Variants in DCST2 observed in about 807,000 individuals in gnomAD.
DCST2 encodes the protein DC-STAMP domain-containing protein 2.
DCST2 carries 64 observed loss-of-function variants against 81.8 expected under a neutral mutation model. That is an observed-to-expected ratio of 0.78 (90% CI 0.64 to 0.96). DCST2 has a LOEUF of 0.96. Among genes scored for constraint, DCST2 ranks in the 40% least tolerant of loss-of-function variants. The probability of loss-of-function intolerance (pLI) is 0.00; values close to 1 mark genes in which losing one functional copy is unlikely to be tolerated. For missense variants in DCST2, 945 were observed against 1,001.4 expected (o/e 0.94, Z 0.76); for synonymous variants, 354 against 402.6 (o/e 0.88, Z 1.44).
At chr1:155,019,585 C>G (rs1463284272) in intron 14 of DCST2, among the ~76,000 whole-genome samples, 1 of 152,242 alleles carries the variant, frequency 6.6e-6, no homozygotes, top group African/African-American at 2.4e-5. Context: ...TGCCCCTGCT[C>G]TAACACGTCA....
Position 155,033,725 on chromosome 1 carries a change from C to A in DCST2, c.-24G>T, listed in dbSNP as rs779001410. The A allele has an allele frequency of 1.2e-6, 2 of 1,605,544 alleles. No homozygotes were observed. Among genetic ancestry groups the A allele is most frequent in the Non-Finnish European group, 1.7e-6 (2 of 1,174,584 alleles). On this transcript the variant is annotated 5_prime_UTR_variant, in exon 1 of 15. The change creates a new upstream start codon in the 5' untranslated region. Coordinates refer to ENST00000368424, the MANE Select transcript of DCST2 (RefSeq NM_144622.3). ...ATGGCTGCTGAGACCAAATGTCTGCCTGTCTCCAGGAGATGCCCGCTGACT... is the reference window on the plus strand; with the variant it reads ...ATGGCTGCTGAGACCAAATGTCTGCATGTCTCCAGGAGATGCCCGCTGACT...
At chr1:155,029,142 G>A in intron 8 of DCST2, 91 bp downstream of exon 8, 1 of 1,475,572 alleles carries the variant, frequency 6.8e-7, no homozygotes, top group Non-Finnish European at 9.2e-7. Context: ...GATGGGAAGA[G>A]GAGAAGGCTT....
rs147505393 is a variant in DCST2 at position 155,023,433 on chromosome 1, C to T, written c.1895G>A (p.Arg632His). ...CQGLYCLTCFRLLDNTCSVCA... is the reference protein window; with the variant it reads ...CQGLYCLTCFHLLDNTCSVCA... Reference sequence around the variant, plus strand: ...CACGGAGCAGGTATTGTCCAGGAGGCGGAAGCAAGTGAGGCAGTAGAGACC... The same window carrying T: ...CACGGAGCAGGTATTGTCCAGGAGGTGGAAGCAAGTGAGGCAGTAGAGACC... Residue 632 changes from arginine to histidine, a missense_variant, in exon 13 of 15, where the codon CGC (arginine) becomes CAC (histidine). Coordinates refer to ENST00000368424, the MANE Select transcript of DCST2 (RefSeq NM_144622.3). 8.6e-3 allele frequency: 13,721 copies of T among 1,601,826 alleles called. 85 individuals carry two copies. The highest frequency in any genetic ancestry group is 0.011 in the Non-Finnish European group (12,413 of 1,174,020).
intron 14 of DCST2, among the ~76,000 whole-genome samples, chr1:155,020,534 T>C (rs940170432): frequency 4.6e-5 from 7 of 151,870 alleles, no homozygotes; most frequent in African/African-American, 4.8e-5. Flanking sequence ...CATGCCTAAT[T>C]TTTTGTATTT....
intron 14 of DCST2, among the ~76,000 whole-genome samples, chr1:155,019,145 G>A (rs1003016361): frequency 2.6e-5 from 4 of 152,054 alleles, no homozygotes; most frequent in East Asian, 1.9e-4. Context: ...GACCTCTACC[G>A]CCCCATTCAC....
chr1:155,019,178 GTTTTC>G (rs1397177530), intron 14 of DCST2, among the ~76,000 whole-genome samples: 3 of 152,222 alleles, frequency 2.0e-5, no homozygotes, highest in African/African-American at 7.2e-5. Flanking sequence ...CCACTGGACA[GTTTTC>G]TTTGCAGTCC....
chr1:155,028,930 C>T, intron 8 of DCST2, among the ~76,000 whole-genome samples: 1 of 151,120 alleles, frequency 6.6e-6, no homozygotes, highest in South Asian at 2.1e-4. Flanking sequence ...TGCTGAAGGT[C>T]ACCGCCTAAT....
chr1:155,020,649 G>A (rs1051366964), intron 14 of DCST2, among the ~76,000 whole-genome samples: 7 of 152,050 alleles, frequency 4.6e-5, no homozygotes, highest in Non-Finnish European at 1.0e-4. Flanking sequence ...TTACAGGCGT[G>A]AGCCACCACA....
intron 4 of DCST2, 59 bp downstream of exon 4, chr1:155,031,515 T>TAGC: frequency 3.1e-6 from 2 of 643,126 alleles, no homozygotes; most frequent in Non-Finnish European, 5.8e-6. Context: ...ACCCCCACAT[T>TAGC]CCCACCCCAC....
chr1:155,023,033 G>A (rs1558097778), intron 14 of DCST2, 84 bp downstream of exon 14: 1 of 1,531,762 alleles, frequency 6.5e-7, no homozygotes, highest in Non-Finnish European at 8.7e-7. Context: ...CAAAGGTCCA[G>A]ACACCCAGGA....
rs1200392128 is a variant in DCST2 at position 155,026,403 on chromosome 1, C to T, written c.1511-1G>A. The T allele has an allele frequency of 6.2e-7, 1 of 1,613,600 alleles. No homozygotes were observed. Among genetic ancestry groups the T allele is most frequent in the African/African-American group, 1.3e-5 (1 of 74,922 alleles). On this transcript the variant is annotated splice_acceptor_variant, in intron 9 of 14. Coordinates refer to ENST00000368424, the MANE Select transcript of DCST2 (RefSeq NM_144622.3). LOFTEE classifies it high-confidence loss of function. The stretch of plus-strand genomic sequence containing the variant: ...AAGAAGCATAGGCCATACATGACGC[C>T]TGGGAGCACAGCAGCCACAGTCAGC...
At chr1:155,028,424 CA>C (rs1659972634) in intron 8 of DCST2, among the ~76,000 whole-genome samples, 1 of 152,060 alleles carries the variant, frequency 6.6e-6, no homozygotes, top group Non-Finnish European at 1.5e-5. Flanking sequence ...AACCCCGTCT[CA>C]ACTAAAAATA....
In DCST2 at chr1:155,029,279, C is replaced by T; in HGVS notation, c.1296G>A (p.Val432=). 6.2e-7 allele frequency: 1 copy of T among 1,613,998 alleles called. No individual in the cohort carries two copies. The highest frequency in any genetic ancestry group is 8.5e-7 in the Non-Finnish European group (1 of 1,179,978). The part of the protein sequence containing the change: ...LVFLDYAVFW[V]LDLARHQLQG... ...GCAGCTGGTGCCGGGCCAGGTCAAG[C>T]ACCCAGAAGACAGCATAGTCTAGGA... The change falls in exon 8 of 15, where the codon GTG becomes GTA. Residue 432 remains valine, a synonymous_variant. Coordinates refer to ENST00000368424, the MANE Select transcript of DCST2 (RefSeq NM_144622.3).
chr1:155,023,003 A>T, intron 14 of DCST2, 114 bp downstream of exon 14: 2 of 1,471,870 alleles, frequency 1.4e-6, no homozygotes, highest in Admixed American at 4.1e-5. Context: ...CCCTCCCCTC[A>T]TGTCTGTTTC....
chr1:155,024,819 T>C (rs1659854327), intron 10 of DCST2, among the ~76,000 whole-genome samples: 1 of 152,208 alleles, frequency 6.6e-6, no homozygotes. Flanking sequence ...TATTCATTCC[T>C]AAATAAAAGT....
intron 3 of DCST2, among the ~76,000 whole-genome samples, chr1:155,032,150 C>A (rs1309947362): frequency 6.6e-6 from 1 of 152,174 alleles, no homozygotes; most frequent in East Asian, 1.9e-4. Flanking sequence ...CGTGCCACCA[C>A]GCCCGGCTAA....
chr1:155,033,626 T>C lies in DCST2; in HGVS notation c.76A>G (p.Ser26Gly), dbSNP rs762272835. Residue 26 changes from serine (S) to glycine (G), a missense_variant, in exon 1 of 15, where the codon AGC becomes GGC. Coordinates refer to ENST00000368424, the MANE Select transcript of DCST2 (RefSeq NM_144622.3). ...EPSMARAVVRSVGGFTLGLSL... is the reference protein window; with the variant it reads ...EPSMARAVVRGVGGFTLGLSL... ...AAGCCCAGGGTAAAACCTCCCACGC[T>C]GCGAACCACAGCTCTCGCCATGCTA... 17 of 1,614,206 alleles carry C rather than the reference T, an allele frequency of 1.1e-5. No homozygotes were observed. Among genetic ancestry groups the C allele is most frequent in the Middle Eastern group, 1.6e-4 (1 of 6,062 alleles).
chr1:155,028,588 A>C (rs1408285675), intron 8 of DCST2, among the ~76,000 whole-genome samples: 1 of 151,780 alleles, frequency 6.6e-6, no homozygotes, highest in Non-Finnish European at 1.5e-5. Flanking sequence ...CATCTCAAAA[A>C]AAAAGGCCAA....
At chr1:155,026,860 C>A in intron 8 of DCST2, 145 bp from the exon 9 acceptor site, 7 of 930,688 alleles carry the variant, frequency 7.5e-6, no homozygotes, top group Non-Finnish European at 1.1e-5. Context: ...CTCAGGCACC[C>A]TCATGGTGCC....
Sources: gnomAD v4.1 joint callset for allele counts (sites outside exome capture counted in the v4.1 genomes callset) on GRCh38, gnomAD v4.1.1 for gene constraint, MANE v1.5 for transcripts, NCBI Gene and HGNC (gene_info 2026-07-23, HGNC 2026-07-21) for gene names.